PRKAG1: variants seen among roughly 807,000 people sequenced by gnomAD.
PRKAG1 encodes the protein protein kinase AMP-activated non-catalytic subunit gamma 1, also known as 5'-AMP-activated protein kinase subunit gamma-1.
A neutral mutation model predicts 48.2 loss-of-function variants in PRKAG1; 27 were observed. The observed-to-expected ratio is 0.56, with a 90% CI of 0.41 to 0.77. PRKAG1 has a LOEUF of 0.77. Among genes scored for constraint, PRKAG1 ranks in the 30% least tolerant of loss-of-function variants. PRKAG1 has a pLI of 0.00. For missense variants in PRKAG1, 287 were observed against 398.3 expected, an observed-to-expected ratio of 0.72 and a Z score of 2.38; for synonymous variants, 130 against 147.7, an observed-to-expected ratio of 0.88 and a Z score of 0.87.
At chr12:49,013,273 G>A (rs770557361) in intron 1 of PRKAG1, among the ~76,000 whole-genome samples, 163 bp from the exon 2 acceptor site, 13 of 151,800 alleles carry the variant, frequency 8.6e-5, no homozygotes, top group South Asian at 2.1e-4. Flanking sequence ...ACAAGGTCTC[G>A]CTCTGTCACC....
At chr12:49,009,142 G>C (rs914545087) in intron 2 of PRKAG1, among the ~76,000 whole-genome samples, 33 of 135,464 alleles carry the variant, frequency 2.4e-4, no homozygotes, top group African/African-American at 9.0e-4. Flanking sequence ...TTTTTTTAAA[G>C]AGACAGGCTT....
chr12:49,002,596 C>G lies in PRKAG1; in HGVS notation c.*303G>C, dbSNP rs201858349. On this transcript the variant is annotated 3_prime_UTR_variant, in exon 12 of 12. Coordinates refer to ENST00000548065, the MANE Select transcript of PRKAG1 (RefSeq NM_002733.5). ...TGAGGTCTGGGGATCTCTTAGAGAT[C>G]AGAATTTGTCTGAGAGGCACAGAGC... 1.3e-5 allele frequency: 6 copies of G among 456,058 alleles called. No individual in the cohort carries two copies. The highest frequency in any genetic ancestry group is 7.9e-5 in the African/African-American group (4 of 50,330). The allele number at this position is 456,058 out of a possible 1,614,324, so 28.3% of individuals were successfully genotyped here.
At position 49,005,065 on chromosome 12, in the gene PRKAG1, T is replaced by C. The variant is rs1941477929; in HGVS notation, c.356-47A>G. The C allele has an allele frequency of 1.9e-6, 3 of 1,613,370 alleles. No individual in the cohort carries two copies. Among genetic ancestry groups the C allele is most frequent in the African/African-American group, 2.7e-5 (2 of 74,972 alleles). On this transcript the variant is annotated intron_variant, in intron 6 of 11. Transcript: ENST00000548065. This position sits in a 1 kb window ranked among gnomAD's most constrained non-coding sequence, Gnocchi z 4.1. ...CACAAAATACCACCATGGAAAAGTG[T>C]TTCCCAGAAACCCGCCATCCCTTTA...
chr12:49,012,773 G>T, intron 2 of PRKAG1: 1 of 415,818 alleles, frequency 2.4e-6, no homozygotes, highest in South Asian at 2.5e-5. Flanking sequence ...AAATACCCAG[G>T]ACTTCTAAAA....
chr12:49,007,947 C>T lies in PRKAG1; in HGVS notation c.59-2095G>A, dbSNP rs147012477. Among the ~76,000 whole-genome samples the T allele has an allele frequency of 7.2e-3, 1,089 of 151,594 alleles. 8 individuals are homozygous for T. The highest frequency in any genetic ancestry group is 0.011 in the Non-Finnish European group (725 of 67,954). On this transcript the variant is annotated intron_variant, in intron 2 of 11. Coordinates refer to ENST00000548065, the MANE Select transcript of PRKAG1 (RefSeq NM_002733.5). The stretch of plus-strand genomic sequence containing the variant: ...CGATCTCAGGTTACTACAACCTCAG[C>T]CTTCCAGGTTCAAGCGATTCTCCTG...
intron 2 of PRKAG1, chr12:49,012,821 C>A: frequency 2.0e-6 from 1 of 494,858 alleles, no homozygotes; most frequent in South Asian, 2.4e-5. Context: ...GGAAGTTTTG[C>A]CTGTACCTCA....
intron 1 of PRKAG1, chr12:49,017,988 C>T (rs1367813966): frequency 6.6e-6 from 1 of 152,066 alleles, no homozygotes; most frequent in African/African-American, 2.4e-5. Flanking sequence ...GGTTACAGAG[C>T]GCTAGAAAAA....
At chr12:49,003,322 A>T in intron 10 of PRKAG1, 32 bp from the exon 11 acceptor site, 1 of 1,613,436 alleles carries the variant, frequency 6.2e-7, no homozygotes, top group Non-Finnish European at 8.5e-7. Context: ...CTTGCAGGGA[A>T]GCAAGAGAGC....
chr12:49,013,996 T>C (rs1941866356), intron 1 of PRKAG1, among the ~76,000 whole-genome samples: 2 of 152,156 alleles, frequency 1.3e-5, no homozygotes, highest in South Asian at 4.2e-4. Context: ...GCAATTCCCG[T>C]GCCTCAGCCT....
At chr12:49,008,557 G>C (rs1350568531) in intron 2 of PRKAG1, 1 of 151,946 alleles carries the variant, frequency 6.6e-6, no homozygotes, top group Non-Finnish European at 1.5e-5. Context: ...TATCTTTTTT[G>C]ATTACTCCCT....
Position 49,002,930 on chromosome 12 carries a change from A to C in PRKAG1, c.965T>G (p.Leu322Arg). 6.2e-7 allele frequency: 1 copy of C among 1,614,166 alleles called. No homozygotes were observed. The highest frequency in any genetic ancestry group is 8.5e-7 in the Non-Finnish European group (1 of 1,180,010). Residue 322 changes from leucine (L) to arginine (R), a missense_variant, in exon 12 of 12, where the codon CTG becomes CGG. By Grantham distance (102) the Leu-to-Arg change is moderately radical. This residue lies in a region of PRKAG1 where 224 missense variants were observed against 344.3 expected (regional missense o/e 0.65). Coordinates refer to ENST00000548065, the MANE Select transcript of PRKAG1 (RefSeq NM_002733.5). Reference sequence around the variant, plus strand: ...CTTCTTCTCTCCACCTGTGAGCACCAGGGCCTGCAGGATGTCAGACAGTGA... The same window carrying C: ...CTTCTTCTCTCCACCTGTGAGCACCCGGGCCTGCAGGATGTCAGACAGTGA... ...IVSLSDILQA[L>R]VLTGGEKKP
chr12:49,006,973 A>AAAATAAAT (rs759230482), intron 2 of PRKAG1, among the ~76,000 whole-genome samples: 1 of 150,122 alleles, frequency 6.7e-6, no homozygotes, highest in Non-Finnish European at 1.5e-5. Context: ...CCGTGTCAAA[A>AAAATAAAT]AAATAAATAA....
chr12:49,014,711 T>C (rs186948477), intron 1 of PRKAG1, among the ~76,000 whole-genome samples: 13 of 152,366 alleles, frequency 8.5e-5, no homozygotes, highest in African/African-American at 3.1e-4. Context: ...AAGGCTGCTA[T>C]AGCCAGGGGA....
rs1355208267 is a variant in PRKAG1, at chr12:49,003,595, C to T, written c.704G>A (p.Gly235Glu). The part of the protein sequence containing the change: ...VSALPVVDEK[G>E]RVVDIYSKFD... Reference sequence around the variant, plus strand: ...CTTGGAGTAGATGTCCACCACACGCCCTAGGGGGACAGAGGCAGCTCAGTA... The same window carrying T: ...CTTGGAGTAGATGTCCACCACACGCTCTAGGGGGACAGAGGCAGCTCAGTA... The change falls in exon 10 of 12, where the codon GGG becomes GAG. Residue 235 changes from glycine to glutamate, a missense_variant and splice_region_variant. By Grantham distance (98) the Gly-to-Glu change is moderately conservative (BLOSUM62 -2). This residue lies in a region of PRKAG1 where 224 missense variants were observed against 344.3 expected (regional missense o/e 0.65). Transcript: ENST00000548065. 1 of 1,613,804 alleles carries T rather than the reference C, an allele frequency of 6.2e-7. No individual in the cohort carries two copies. The highest frequency in any genetic ancestry group is 8.5e-7 in the Non-Finnish European group (1 of 1,179,962).
In PRKAG1 at chr12:49,018,370, A is replaced by G. The variant is rs1246208906; in HGVS notation, c.9+362T>C. ...GATCCCTCTGGACGCCCCGTGCCTC[A>G]CCCAGCAAAGCCGGCTCACAACCCT... On this transcript the variant is annotated intron_variant, in intron 1 of 11. Transcript: ENST00000548065. 6.0e-6 allele frequency: 6 copies of G among 1,001,218 alleles called. No individual in the cohort carries two copies. In the South Asian group the frequency reaches 1.4e-4, roughly 23 times the overall value. The allele number at this position is 1,001,218 out of a possible 1,614,324, so 62.0% of individuals were successfully genotyped here. A position where few individuals can be genotyped will look rare whatever the true frequency, so the allele number is the denominator to read the frequency against.
intron 1 of PRKAG1, 133 bp from the exon 2 acceptor site, chr12:49,013,243 CTTTT>C (rs111248062): frequency 3.1e-6 from 2 of 643,744 alleles, no homozygotes; most frequent in Non-Finnish European, 5.1e-6. Flanking sequence ...CCGCCAAACC[CTTTT>C]TTTTTTGTTT....
At chr12:49,004,834 TG>T in intron 7 of PRKAG1, 129 bp downstream of exon 7, 1 of 973,678 alleles carries the variant, frequency 1.0e-6, no homozygotes, top group Non-Finnish European at 1.6e-6. Context: ...TGTGTGTGTG[TG>T]TGTGTGTGTG....
chr12:49,004,817 G>C (rs1263253964), intron 7 of PRKAG1, 147 bp downstream of exon 7: 2 of 259,320 alleles, frequency 7.7e-6, no homozygotes, highest in African/African-American at 6.4e-5. Flanking sequence ...GAGAGACTGT[G>C]TGTGTGTGTG....
intron 2 of PRKAG1, among the ~76,000 whole-genome samples, chr12:49,007,446 C>T (rs1941587482): frequency 1.3e-5 from 2 of 152,182 alleles, no homozygotes; most frequent in South Asian, 4.1e-4. Context: ...AGATCTGTTT[C>T]CAAACTTCAT....
Sources: allele counts gnomAD v4.1 joint callset (sites outside exome capture counted in the v4.1 genomes callset), GRCh38; gene constraint gnomAD v4.1.1; regional missense constraint gnomAD v4.1.1; non-coding constraint Gnocchi (gnomAD v3.1); transcripts MANE v1.5; gene names NCBI Gene and HGNC (gene_info 2026-07-23, HGNC 2026-07-21).